Variants in SPATA12 observed in about 807,000 individuals in gnomAD.
The protein encoded by SPATA12 is spermatogenesis associated 12, also known as spermatogenesis-associated protein 12.
For synonymous variants in SPATA12, 85 were observed against 89.2 expected (o/e 0.95, Z 0.26); for missense variants, 219 against 226.4 (o/e 0.97, Z 0.21).
In SPATA12 at chr3:57,073,485, A is replaced by C. The variant is rs75855323; in HGVS notation, c.-210A>C. On this transcript the variant is annotated 5_prime_UTR_variant, in exon 2 of 2. The change abolishes an upstream ATG in the 5' untranslated region. Coordinates refer to ENST00000334325, the MANE Select transcript of SPATA12 (RefSeq NM_181727.2). The stretch of plus-strand genomic sequence containing the variant: ...AAACAGCAGAAGCAAAGATGTGAAC[A>C]TGGGAAAACCTCTGCAGTATCTGGG... The C allele has an allele frequency of 0.016, 11,224 of 687,662 alleles. 912 individuals are homozygous for C. The African/African-American group carries it at 0.18, about 11-fold the overall frequency. The allele number at this position is 687,662 out of a possible 1,614,324, so 42.6% of individuals were successfully genotyped here. A position where few individuals can be genotyped will look rare whatever the true frequency, so the allele number is the denominator to read the frequency against.
At chr3:57,066,829 A>G (rs2107374238) in intron 1 of SPATA12, among the ~76,000 whole-genome samples, 1 of 152,294 alleles carries the variant, frequency 6.6e-6, no homozygotes, top group South Asian at 2.1e-4. Flanking sequence ...GAGCAGGAAG[A>G]ATTCTACCCA....
intron 1 of SPATA12, among the ~76,000 whole-genome samples, chr3:57,069,072 A>G (rs560373179): frequency 7.2e-5 from 11 of 151,902 alleles, no homozygotes; most frequent in Non-Finnish European, 8.8e-5. Context: ...ACAGGCACTC[A>G]CCACCACGTC....
intron 1 of SPATA12, among the ~76,000 whole-genome samples, chr3:57,066,049 AAAAC>A (rs4060553): frequency 0.22 from 33,454 of 151,652 alleles, 4,134 homozygotes; most frequent in East Asian, 0.47. Flanking sequence ...ACAAAAAAAA[AAAAC>A]CCTAAAATGT....
chr3:57,072,646 G>T (rs1256949220), intron 1 of SPATA12, among the ~76,000 whole-genome samples: 2 of 150,890 alleles, frequency 1.3e-5, no homozygotes, highest in Non-Finnish European at 1.5e-5. Context: ...GGAGGCTGAG[G>T]CATGAGAATC....
chr3:57,073,783 T>A lies in SPATA12; in HGVS notation c.89T>A (p.Val30Asp), dbSNP rs748009888. Residue 30 changes from valine to aspartate, a missense_variant, in exon 2 of 2, where the codon GTT becomes GAT. Physicochemically the swap from Val to Asp is radical, Grantham distance 152 (BLOSUM62 -3). Coordinates refer to ENST00000334325, the MANE Select transcript of SPATA12 (RefSeq NM_181727.2). The stretch of plus-strand genomic sequence containing the variant: ...AAGGCACTAGACTCTTCCAGACTCG[T>A]TCCATGGCCACCCAGAGGCCTTGGG... ...EMKALDSSRL[V>D]PWPPRGLGSS... is the part of the protein sequence containing the mutation. The A allele has an allele frequency of 5.6e-6, 9 of 1,614,218 alleles. No individual in the cohort carries two copies. In the East Asian group the frequency reaches 1.1e-4, roughly 20 times the overall value.
intron 1 of SPATA12, among the ~76,000 whole-genome samples, chr3:57,071,275 T>C (rs1705886685): frequency 1.3e-5 from 2 of 152,154 alleles, no homozygotes; most frequent in Admixed American, 6.6e-5. Context: ...AAAATGAAGC[T>C]AGACCCCTAC....
At chr3:57,066,822 C>G (rs922926430) in intron 1 of SPATA12, among the ~76,000 whole-genome samples, 1 of 152,158 alleles carries the variant, frequency 6.6e-6, no homozygotes, top group African/African-American at 2.4e-5. Context: ...CCTCCCAGAG[C>G]AGGAAGAATT....
chr3:57,064,175 C>T (rs1579200196), intron 1 of SPATA12, among the ~76,000 whole-genome samples: 1 of 152,090 alleles, frequency 6.6e-6, no homozygotes, highest in Non-Finnish European at 1.5e-5. Context: ...AAGCTGAGGT[C>T]AGAGGATTGC....
intron 1 of SPATA12, among the ~76,000 whole-genome samples, chr3:57,070,734 G>A (rs1705841427): frequency 6.6e-6 from 1 of 152,062 alleles, no homozygotes; most frequent in African/African-American, 2.4e-5. Flanking sequence ...CAAGGTGGGA[G>A]GACTACTTGA....
Position 57,068,088 on chromosome 3 carries a change from A to G in SPATA12, c.-329-5278A>G, listed in dbSNP as rs1390174591. On this transcript the variant is annotated intron_variant, in intron 1 of 1. Coordinates refer to ENST00000334325, the MANE Select transcript of SPATA12 (RefSeq NM_181727.2). Reference sequence around the variant, plus strand: ...CTCTGGAGGCCAAGGCAAGAGGATCACTTGAGCCCAGAGGACACTAGACAC... The same window carrying G: ...CTCTGGAGGCCAAGGCAAGAGGATCGCTTGAGCCCAGAGGACACTAGACAC... Among the ~76,000 whole-genome samples the G allele has an allele frequency of 2.6e-5, 4 of 152,120 alleles. No homozygotes were observed. In the East Asian group the frequency reaches 7.7e-4, roughly 29 times the overall value.
chr3:57,072,861 A>G (rs1371818841), intron 1 of SPATA12, among the ~76,000 whole-genome samples: 1 of 152,116 alleles, frequency 6.6e-6, no homozygotes, highest in Non-Finnish European at 1.5e-5. Context: ...CCTGGCCAAG[A>G]TGGTGAAACC....
rs567575647 is a variant in SPATA12, at chr3:57,074,557, A to G, written c.*290A>G. ...ACCTTCACTGTATTAAATGACATCA[A>G]TTGATCAATCAATCGATCAATCAAT... is the stretch of plus-strand genomic sequence containing the variant. On this transcript the variant is annotated 3_prime_UTR_variant, in exon 2 of 2. Coordinates refer to ENST00000334325, the MANE Select transcript of SPATA12 (RefSeq NM_181727.2). 272 of 375,382 alleles carry G rather than the reference A, an allele frequency of 7.2e-4. No homozygotes were observed. Among genetic ancestry groups the G allele is most frequent in the Non-Finnish European group, 1.3e-3 (250 of 198,502 alleles). 23.3% of individuals were successfully genotyped at this position (375,382 alleles called of 1,614,324 possible). A position where few individuals can be genotyped will look rare whatever the true frequency, so the allele number is the denominator to read the frequency against.
intron 1 of SPATA12, among the ~76,000 whole-genome samples, chr3:57,068,459 T>A (rs994108569): frequency 6.6e-6 from 1 of 152,230 alleles, no homozygotes; most frequent in African/African-American, 2.4e-5. Flanking sequence ...GCCAATTCTC[T>A]CGCCTCAAAA....
Position 57,074,457 on chromosome 3 carries a change from A to C in SPATA12, c.*190A>C, listed in dbSNP as rs1706114607. ...ACTTCCCCAATATCACAGATGAAGA[A>C]ATCAAGATTCAGAAAGGTTAAGTTA... is the stretch of plus-strand genomic sequence containing the variant. On this transcript the variant is annotated 3_prime_UTR_variant, in exon 2 of 2. Coordinates refer to ENST00000334325, the MANE Select transcript of SPATA12 (RefSeq NM_181727.2). The C allele has an allele frequency of 6.6e-6, 4 of 607,946 alleles. No individual in the cohort carries two copies. The Admixed American group carries it at 1.2e-4, about 19-fold the overall frequency. The allele number at this position is 607,946 out of a possible 1,614,324, so 37.7% of individuals were successfully genotyped here.
At chr3:57,062,702 G>GCA (rs148193521) in intron 1 of SPATA12, among the ~76,000 whole-genome samples, 2,154 of 150,256 alleles carry the variant, frequency 0.014, 54 homozygotes, top group African/African-American at 0.048. Flanking sequence ...CTACACACAT[G>GCA]CACACACACA....
At chr3:57,069,685 G>C (rs1331468171) in intron 1 of SPATA12, among the ~76,000 whole-genome samples, 1 of 151,778 alleles carries the variant, frequency 6.6e-6, no homozygotes, top group Non-Finnish European at 1.5e-5. Flanking sequence ...TTGCTCTGTC[G>C]CCAAGCTGGA....
chr3:57,071,054 C>T (rs1310879367), intron 1 of SPATA12, among the ~76,000 whole-genome samples: 2 of 151,168 alleles, frequency 1.3e-5, no homozygotes, highest in African/African-American at 4.9e-5. Context: ...GATTTCAAAA[C>T]TTACTACAAA....
chr3:57,073,984 C>A lies in SPATA12; in HGVS notation c.290C>A (p.Ser97Tyr), dbSNP rs917287456. 6.2e-7 allele frequency: 1 copy of A among 1,614,066 alleles called. No individual in the cohort carries two copies. The highest frequency in any genetic ancestry group is 1.3e-5 in the African/African-American group (1 of 74,918). Residue 97 changes from serine (S) to tyrosine (Y), a missense_variant, in exon 2 of 2, where the codon TCC becomes TAC. Ser to Tyr is a moderately radical substitution (Grantham distance 144). Transcript: ENST00000334325. The stretch of plus-strand genomic sequence containing the variant: ...GCCATCTCTCTTGACATCGCTGTAT[C>A]CCAAATAAATCTTCTGGGAAGACCC... ...QAAISLDIAV[S>Y]QINLLGRPSS...
At chr3:57,071,319 A>G (rs1193734195) in intron 1 of SPATA12, among the ~76,000 whole-genome samples, 1 of 152,142 alleles carries the variant, frequency 6.6e-6, no homozygotes, top group African/African-American at 2.4e-5. Context: ...ATCAAAACAG[A>G]TCAAAGTTCT....
Sources: allele counts gnomAD v4.1 joint callset (sites outside exome capture counted in the v4.1 genomes callset), GRCh38; gene constraint gnomAD v4.1.1; transcripts MANE v1.5; gene names NCBI Gene and HGNC (gene_info 2026-07-23, HGNC 2026-07-21).